Variants in CCDC3 observed in about 807,000 individuals in gnomAD.
CCDC3 encodes coiled-coil domain containing 3.
In CCDC3, 24 loss-of-function variants were observed where a neutral mutation model predicts 21.4. That is an observed-to-expected ratio of 1.12 (90% CI 0.81 to 1.58). The LOEUF (loss-of-function observed/expected upper bound fraction) is 1.58. CCDC3 is among the 40% of genes most tolerant of loss of function. The probability of loss-of-function intolerance (pLI) is 0.00; values close to 1 mark genes in which losing one functional copy is unlikely to be tolerated. For synonymous variants in CCDC3, 186 were observed against 166.0 expected, an observed-to-expected ratio of 1.12 and a Z score of -0.93; for missense variants, 425 against 360.9, an observed-to-expected ratio of 1.18 and a Z score of -1.44.
intron 4 of CCDC3, among the ~76,000 whole-genome samples, chr10:13,055,031 G>A (rs556983341): frequency 3.3e-5 from 5 of 152,200 alleles, no homozygotes; most frequent in Admixed American, 6.5e-5. Context: ...TCTGCCCCAT[G>A]TGGTGTGGAT....
At chr10:12,926,401 C>T (rs985099907) in intron 2 of CCDC3, among the ~76,000 whole-genome samples, 5 of 152,100 alleles carry the variant, frequency 3.3e-5, no homozygotes, top group Non-Finnish European at 7.4e-5. Context: ...GACAAACAGT[C>T]AGGGCTGGCA....
chr10:13,001,711 C>G lies in CCDC3; in HGVS notation c.-141G>C. 1 of 483,920 alleles carries G rather than the reference C, an allele frequency of 2.1e-6. No individual in the cohort carries two copies. The highest frequency in any genetic ancestry group is 2.7e-6 in the Non-Finnish European group (1 of 365,034). The allele number at this position is 483,920 out of a possible 1,614,324, so 30.0% of individuals were successfully genotyped here. A position where few individuals can be genotyped will look rare whatever the true frequency, so the allele number is the denominator to read the frequency against. On this transcript the variant is annotated 5_prime_UTR_variant, in exon 1 of 3. The change abolishes an upstream ATG in the 5' untranslated region. Coordinates refer to ENST00000378825, the MANE Select transcript of CCDC3 (RefSeq NM_031455.4). ...CCGCTGTCTCCGCCACGGGGCTCGG[C>G]ATGCCCGGCCCTGGCGCGCCACGCT...
At chr10:13,033,476 A>C (rs10796005) in intron 5 of CCDC3, among the ~76,000 whole-genome samples, 19,814 of 152,066 alleles carry the variant, frequency 0.13, 1,394 homozygotes, top group Middle Eastern at 0.18. Flanking sequence ...GCAACAAAAG[A>C]CAAAATTGAC....
chr10:12,960,980 G>A (rs897046733), intron 2 of CCDC3, among the ~76,000 whole-genome samples: 1 of 152,192 alleles, frequency 6.6e-6, no homozygotes, highest in Non-Finnish European at 1.5e-5. Flanking sequence ...GTCTCTCAGT[G>A]GGAGATAAAG....
At chr10:13,048,381 A>G (rs529737353) in intron 5 of CCDC3, among the ~76,000 whole-genome samples, 3 of 151,844 alleles carry the variant, frequency 2.0e-5, no homozygotes, top group Admixed American at 6.6e-5. Context: ...TTTACTAGAG[A>G]CGGGGTTTCA....
intron 5 of CCDC3, among the ~76,000 whole-genome samples, chr10:13,008,468 G>A (rs74832124): frequency 1.7e-3 from 253 of 152,330 alleles, no homozygotes; most frequent in African/African-American, 6.0e-3. Flanking sequence ...TGAGCTATGG[G>A]ATGGGAGTAG....
chr10:12,964,623 G>C (rs1235591471), intron 2 of CCDC3, among the ~76,000 whole-genome samples: 1 of 152,114 alleles, frequency 6.6e-6, no homozygotes, highest in Non-Finnish European at 1.5e-5. Flanking sequence ...CACTACCTTT[G>C]CTTTCTTGCC....
chr10:13,037,502 T>C (rs1366000075), intron 5 of CCDC3, among the ~76,000 whole-genome samples: 5 of 152,204 alleles, frequency 3.3e-5, no homozygotes, highest in Admixed American at 1.3e-4. Context: ...GTCTCTTTTA[T>C]ATTTTTCTCA....
intron 2 of CCDC3, among the ~76,000 whole-genome samples, chr10:12,986,508 T>C (rs139377976): frequency 2.0e-3 from 297 of 152,032 alleles, no homozygotes; most frequent in East Asian, 6.2e-3. Flanking sequence ...GGCACAGTGG[T>C]TCACGCCTGT....
chr10:13,079,789 G>A (rs947450230), intron 3 of CCDC3, among the ~76,000 whole-genome samples: 14 of 152,348 alleles, frequency 9.2e-5, no homozygotes, highest in Non-Finnish European at 1.9e-4. Context: ...CCTAGGGAAA[G>A]GGGGAGGAGA....
intron 3 of CCDC3, among the ~76,000 whole-genome samples, chr10:13,097,345 G>A (rs1205870121): frequency 1.3e-5 from 2 of 152,164 alleles, no homozygotes; most frequent in South Asian, 2.1e-4. Flanking sequence ...TGAGCCAGGC[G>A]TTCTTCTAGG....
chr10:13,054,837 T>C lies in CCDC3; in HGVS notation c.-269-4896A>G, dbSNP rs561828138. ...AACCCTCACTACGCGTGGCTAATTT[T>C]TGTATTTTTAGTAGAGATGCGGTTT... is the stretch of plus-strand genomic sequence containing the variant. On this transcript the variant is annotated intron_variant, in intron 4 of 6. Transcript: ENST00000378839. Among the ~76,000 whole-genome samples the C allele has an allele frequency of 4.6e-5, 7 of 152,254 alleles. No homozygotes were observed. The East Asian group carries it at 1.4e-3, about 29-fold the overall frequency.
chr10:13,077,308 T>G (rs1298965337), intron 3 of CCDC3, among the ~76,000 whole-genome samples: 1 of 152,114 alleles, frequency 6.6e-6, no homozygotes, highest in African/African-American at 2.4e-5. Context: ...ACAAGGGACG[T>G]GAAGGACCTC....
intron 2 of CCDC3, among the ~76,000 whole-genome samples, chr10:12,940,014 G>C (rs1014724424): frequency 6.6e-6 from 1 of 152,134 alleles, no homozygotes; most frequent in Non-Finnish European, 1.5e-5. Context: ...GCCCATTCTA[G>C]GGCCTTAACC....
At chr10:13,020,224 G>A (rs1028732499) in intron 5 of CCDC3, among the ~76,000 whole-genome samples, 4 of 152,254 alleles carry the variant, frequency 2.6e-5, no homozygotes, top group South Asian at 2.1e-4. Context: ...CATGAGTGGC[G>A]ATGGTTTACA....
At chr10:12,925,475 C>T (rs574560236) in intron 2 of CCDC3, among the ~76,000 whole-genome samples, 19 of 152,344 alleles carry the variant, frequency 1.2e-4, no homozygotes, top group African/African-American at 3.1e-4. Flanking sequence ...GCAAACTCTC[C>T]GCAACTCCCC....
At chr10:12,985,546 C>A (rs745557081) in intron 2 of CCDC3, among the ~76,000 whole-genome samples, 1 of 151,494 alleles carries the variant, frequency 6.6e-6, no homozygotes, top group Non-Finnish European at 1.5e-5. Flanking sequence ...CAGTAGGCAA[C>A]TCGTTAAGCA....
intron 2 of CCDC3, among the ~76,000 whole-genome samples, chr10:12,915,920 G>T (rs1028232719): frequency 1.3e-5 from 2 of 152,024 alleles, no homozygotes; most frequent in African/African-American, 4.8e-5. Context: ...TGGCACCAGG[G>T]TCTGCAGGGT....
chr10:13,034,317 G>A (rs1306514995), intron 5 of CCDC3, among the ~76,000 whole-genome samples: 1 of 122,824 alleles, frequency 8.1e-6, no homozygotes, highest in Admixed American at 1.1e-4. Flanking sequence ...ACAGGGTGGA[G>A]AACATCACAC....
Sources: gnomAD v4.1 joint callset for allele counts (sites outside exome capture counted in the v4.1 genomes callset) on GRCh38, gnomAD v4.1.1 for gene constraint, MANE v1.5 for transcripts, NCBI Gene and HGNC (gene_info 2026-07-23, HGNC 2026-07-21) for gene names.